Variants in C12orf42 observed in about 807,000 individuals in gnomAD.
C12orf42 encodes uncharacterized protein C12orf42.
C12orf42 carries 25 observed loss-of-function variants against 21.6 expected under a neutral mutation model. The observed-to-expected ratio is 1.16, with a 90% CI of 0.84 to 1.62. The LOEUF is 1.62. Ranked by LOEUF, C12orf42 falls within the 40% of genes most tolerant of loss-of-function variation. The pLI is 0.00. For missense variants in C12orf42, 483 were observed against 459.3 expected (o/e 1.05, Z -0.47); for synonymous variants, 174 against 175.0 (o/e 0.99, Z 0.05).
chr12:103,159,269 T>C, the C12orf42 span, among the ~76,000 whole-genome samples: 1 of 152,194 alleles, frequency 6.6e-6, no homozygotes, highest in Non-Finnish European at 1.5e-5. Flanking sequence ...TTGCCCACAG[T>C]CACACGACTT....
At chr12:103,356,586 T>A (rs1009039849) in intron 4 of C12orf42, among the ~76,000 whole-genome samples, 3 of 151,822 alleles carry the variant, frequency 2.0e-5, no homozygotes, top group Non-Finnish European at 4.4e-5. Flanking sequence ...TCTAGATCCC[T>A]GAGGAATTGC....
chr12:103,148,778 A>C, the C12orf42 span, among the ~76,000 whole-genome samples: 1 of 152,226 alleles, frequency 6.6e-6, no homozygotes, highest in South Asian at 2.1e-4. Flanking sequence ...TGAAACTATT[A>C]CCTACTCTGG....
At chr12:103,102,203 A>C in the C12orf42 span, among the ~76,000 whole-genome samples, 1 of 152,306 alleles carries the variant, frequency 6.6e-6, no homozygotes, top group East Asian at 1.9e-4. Context: ...AACAGTCCCA[A>C]ACTGAACTCA....
At chr12:103,402,146 TG>T (rs2048054413) in intron 2 of C12orf42, among the ~76,000 whole-genome samples, 1 of 152,202 alleles carries the variant, frequency 6.6e-6, no homozygotes, top group South Asian at 2.1e-4. Flanking sequence ...CAATGTTTCT[TG>T]TTGAAAGTCA....
rs1355380442 is a variant in C12orf42 at position 103,368,912 on chromosome 12, A to G, written c.234T>C (p.Arg78=). The change falls in exon 4 of 6, where the codon CGT becomes CGC. Residue 78 remains arginine (R), a synonymous_variant. Coordinates refer to ENST00000548883, the MANE Select transcript of C12orf42 (RefSeq NM_198521.5). ...CTGGAAAATTCAGAAAGTGTAGACT[A>G]CGAAATTTAGGAGATTCAGAGAAAT... The part of the protein sequence containing the change: ...MKNFSESPKF[R]SLHFLNFPVF... 1 of 1,584,690 alleles carries G rather than the reference A, an allele frequency of 6.3e-7. No homozygotes were observed.
At chr12:103,407,066 G>A (rs1482924973) in intron 2 of C12orf42, among the ~76,000 whole-genome samples, 2 of 152,122 alleles carry the variant, frequency 1.3e-5, no homozygotes, top group Admixed American at 6.5e-5. Context: ...GAAGCCCAGA[G>A]AACTCAATGA....
chr12:103,203,500 T>C, the C12orf42 span, among the ~76,000 whole-genome samples: 1 of 152,162 alleles, frequency 6.6e-6, no homozygotes, highest in Non-Finnish European at 1.5e-5. Flanking sequence ...ATAATTACTT[T>C]AAAAAAATGT....
At chr12:103,168,336 A>G in the C12orf42 span, 4 of 280,860 alleles carry the variant, frequency 1.4e-5, no homozygotes, top group South Asian at 3.3e-5. Context: ...TGAGCAGATA[A>G]CATATTTAAG....
At chr12:103,328,689 T>C (rs1306878350) in intron 4 of C12orf42, among the ~76,000 whole-genome samples, 1 of 152,146 alleles carries the variant, frequency 6.6e-6, no homozygotes, top group Non-Finnish European at 1.5e-5. Context: ...TTCCAGTAAA[T>C]ACCAGTGGGC....
At chr12:103,118,172 C>T in the C12orf42 span, among the ~76,000 whole-genome samples, 1 of 152,194 alleles carries the variant, frequency 6.6e-6, no homozygotes, top group African/African-American at 2.4e-5. Flanking sequence ...CTGTATGTGC[C>T]TGCCTTCCTC....
chr12:103,426,519 C>T (rs1219092215), intron 2 of C12orf42, among the ~76,000 whole-genome samples: 2 of 152,136 alleles, frequency 1.3e-5, no homozygotes, highest in African/African-American at 2.4e-5. Flanking sequence ...GAGAATGGAA[C>T]CAAATTGGAA....
At chr12:103,289,399 G>A (rs4144505) in intron 4 of C12orf42, among the ~76,000 whole-genome samples, 11,953 of 152,084 alleles carry the variant, frequency 0.079, 482 homozygotes, top group East Asian at 0.18. Context: ...TTTTTGGACA[G>A]AAAAGATACC....
At chr12:103,136,068 A>T in the C12orf42 span, among the ~76,000 whole-genome samples, 49,292 of 151,674 alleles carry the variant, frequency 0.32, 8,362 homozygotes, top group East Asian at 0.48. Context: ...CAAGAGGCAA[A>T]AATAAAACCA....
chr12:103,100,248 A>C, the C12orf42 span, among the ~76,000 whole-genome samples: 1 of 152,196 alleles, frequency 6.6e-6, no homozygotes, highest in African/African-American at 2.4e-5. Context: ...AGAATCGGTG[A>C]GCTGATGATG....
chr12:103,225,024 G>T, the C12orf42 span, among the ~76,000 whole-genome samples: 2 of 152,200 alleles, frequency 1.3e-5, no homozygotes, highest in South Asian at 4.1e-4. Context: ...CTGAAGTAAT[G>T]GGGGCTGTCT....
the C12orf42 span, among the ~76,000 whole-genome samples, chr12:103,201,219 T>C: frequency 6.6e-6 from 1 of 152,288 alleles, no homozygotes; most frequent in Admixed American, 6.5e-5. Flanking sequence ...TGCATCTCAT[T>C]GATTTGCTGA....
the C12orf42 span, among the ~76,000 whole-genome samples, chr12:103,110,349 A>G: frequency 1.3e-5 from 2 of 152,242 alleles, no homozygotes; most frequent in Admixed American, 1.3e-4. Flanking sequence ...ACAAAGCAAG[A>G]TTACATATTG....
the C12orf42 span, among the ~76,000 whole-genome samples, chr12:103,069,996 TG>T: frequency 6.6e-6 from 1 of 152,188 alleles, no homozygotes; most frequent in South Asian, 2.1e-4. Context: ...GGTAGCTCTT[TG>T]GGAGCTTCAG....
the C12orf42 span, among the ~76,000 whole-genome samples, chr12:103,186,832 A>AT: frequency 6.6e-6 from 1 of 152,074 alleles, no homozygotes; most frequent in South Asian, 2.1e-4. Context: ...GATGCATCCT[A>AT]TTTTTCCCCT....
Sources: gnomAD v4.1 joint callset for allele counts (sites outside exome capture counted in the v4.1 genomes callset) on GRCh38, gnomAD v4.1.1 for gene constraint, MANE v1.5 for transcripts, NCBI Gene and HGNC (gene_info 2026-07-23, HGNC 2026-07-21) for gene names.